TCF4: variants seen among roughly 807,000 people sequenced by gnomAD.
TCF4 encodes transcription factor 4, also known as SL3-3 enhancer factor 2.
In TCF4, 3 loss-of-function variants were observed where a neutral mutation model predicts 82.1. That is an observed-to-expected ratio of 0.04 (90% CI 0.02 to 0.09). The LOEUF (loss-of-function observed/expected upper bound fraction) is 0.09, where lower values mean the gene tolerates loss of function less well. Ranked by LOEUF, TCF4 falls within the 10% of genes least tolerant of loss-of-function variation. The pLI, the probability that TCF4 is intolerant of heterozygous loss-of-function variation, is 1.00. For synonymous variants in TCF4, 276 were observed against 309.6 expected (o/e 0.89, Z 1.14); for missense variants, 518 against 852.7 (o/e 0.61, Z 4.89).
intron 8 of TCF4, among the ~76,000 whole-genome samples, chr18:55,332,858 T>C (rs1231418456): frequency 6.6e-6 from 1 of 152,258 alleles, no homozygotes; most frequent in African/African-American, 2.4e-5. Flanking sequence ...TATCACCAGT[T>C]ACTTCTGTGA....
chr18:55,575,311 A>G (rs533619285), intron 3 of TCF4, among the ~76,000 whole-genome samples: 32 of 152,342 alleles, frequency 2.1e-4, no homozygotes, highest in African/African-American at 7.5e-4. Context: ...ATAACAAAGA[A>G]CAATTATTCA....
At chr18:55,279,452 C>A (rs1280826403) in intron 9 of TCF4, 99 bp downstream of exon 9, 1 of 1,565,666 alleles carries the variant, frequency 6.4e-7, no homozygotes, top group Non-Finnish European at 8.7e-7. Flanking sequence ...AAATTCTACA[C>A]TTGCCTACTA....
rs1192478847 is a variant in TCF4, at chr18:55,422,139, A to C, written c.305-18621T>G. ...CCACTATCATCCAAAAAAAAAAAAA[A>C]AAAAAAAAACCCACCCTGAATAGAG... is the stretch of plus-strand genomic sequence containing the variant. On this transcript the variant is annotated intron_variant, in intron 5 of 19. Transcript: ENST00000354452. The C allele has an allele frequency of 6.0e-4, 535 of 884,454 alleles. 1 individual carries two copies. Among genetic ancestry groups the C allele is most frequent in the Middle Eastern group, 1.2e-3 (2 of 1,728 alleles). The allele number at this position is 884,454 out of a possible 1,614,324, so 54.8% of individuals were successfully genotyped here.
chr18:55,346,434 A>G (rs2081198556), intron 8 of TCF4, among the ~76,000 whole-genome samples: 1 of 152,188 alleles, frequency 6.6e-6, no homozygotes, highest in African/African-American at 2.4e-5. Flanking sequence ...GGTCCTCCTG[A>G]GTTTTAAAAC....
chr18:55,544,230 C>A (rs1209793903), intron 3 of TCF4, among the ~76,000 whole-genome samples: 1 of 152,120 alleles, frequency 6.6e-6, no homozygotes, highest in Non-Finnish European at 1.5e-5. Flanking sequence ...GATTCAATTT[C>A]CTCAATTGTA....
At chr18:55,549,377 T>C (rs1437304651) in intron 3 of TCF4, among the ~76,000 whole-genome samples, 2 of 152,210 alleles carry the variant, frequency 1.3e-5, no homozygotes, top group African/African-American at 2.4e-5. Flanking sequence ...TTTTACCTTA[T>C]AAGCTTCTTA....
chr18:55,587,140 G>C lies in TCF4; in HGVS notation c.-20-4C>G. 1 of 1,484,902 alleles carries C rather than the reference G, an allele frequency of 6.7e-7. No homozygotes were observed. The highest frequency in any genetic ancestry group is 9.0e-7 in the Non-Finnish European group (1 of 1,106,112). 92.0% of individuals were successfully genotyped at this position (1,484,902 alleles called of 1,614,324 possible). A position where few individuals can be genotyped will look rare whatever the true frequency, so the allele number is the denominator to read the frequency against. ...ATTTTAGCAAAATCACACAAACCTA[G>C]AAACATGGAAATAACCGCAATCAGA... On this transcript the variant is annotated splice_region_variant and splice_polypyrimidine_tract_variant and intron_variant, in intron 1 of 19. Transcript: ENST00000354452.
At chr18:55,501,702 G>A (rs2096704087) in intron 3 of TCF4, among the ~76,000 whole-genome samples, 1 of 151,456 alleles carries the variant, frequency 6.6e-6, no homozygotes, top group Non-Finnish European at 1.5e-5. Context: ...CATCATCTTT[G>A]GGAGAAAAAA....
intron 2 of TCF4, among the ~76,000 whole-genome samples, chr18:55,622,035 A>G (rs1408491670): frequency 7.4e-6 from 1 of 135,980 alleles, no homozygotes; most frequent in Non-Finnish European, 1.5e-5. Context: ...TATATATTAT[A>G]TATACACTAT....
chr18:55,517,430 T>C (rs886334193), intron 3 of TCF4, among the ~76,000 whole-genome samples: 7 of 152,086 alleles, frequency 4.6e-5, no homozygotes, highest in East Asian at 1.9e-4. Flanking sequence ...GTGACCACCA[T>C]TGACATCAAC....
intron 8 of TCF4, among the ~76,000 whole-genome samples, chr18:55,329,383 C>A (rs1466811745): frequency 1.3e-5 from 2 of 152,138 alleles, no homozygotes; most frequent in Non-Finnish European, 2.9e-5. Context: ...CAGGAAGGAA[C>A]AGGTGAGACA....
intron 15 of TCF4, among the ~76,000 whole-genome samples, chr18:55,237,467 C>CTTT (rs538071929): frequency 2.4e-5 from 3 of 122,668 alleles, no homozygotes; most frequent in Admixed American, 8.3e-5. Context: ...GTTGTTCTGA[C>CTTT]TTTTTTTTTT....
intron 11 of TCF4, chr18:55,267,832 T>C (rs772507542): frequency 2.6e-5 from 4 of 152,156 alleles, no homozygotes; most frequent in Non-Finnish European, 4.4e-5. Context: ...TACTTTTGTT[T>C]TTAAATTATA....
intron 8 of TCF4, chr18:55,302,747 A>C: frequency 1.3e-6 from 1 of 742,546 alleles, no homozygotes; most frequent in Non-Finnish European, 2.0e-6. Context: ...CCAAATGACC[A>C]GGCATGAGGC....
At chr18:55,256,526 C>T (rs2056884623) in intron 14 of TCF4, among the ~76,000 whole-genome samples, 1 of 152,016 alleles carries the variant, frequency 6.6e-6, no homozygotes, top group African/African-American at 2.4e-5. Flanking sequence ...TCAGATTTTC[C>T]TTAAGATTAA....
At chr18:55,589,609 C>T, upstream of TCF4, 1 of 1,044,430 alleles carries the variant, frequency 9.6e-7, no homozygotes, top group African/African-American at 1.7e-5. Flanking sequence ...AATTTTTCCT[C>T]AAACAATTCT....
At chr18:55,622,050 AATATATATACACTGTATATATAAT>A (rs1441713788) in intron 2 of TCF4, among the ~76,000 whole-genome samples, 2 of 136,274 alleles carry the variant, frequency 1.5e-5, no homozygotes, top group Non-Finnish European at 3.1e-5. Context: ...CACTATATAT[AATATATATACACTGTATATATAAT>A]ATATATATAC....
At chr18:55,249,251 T>G (rs11662517) in intron 15 of TCF4, among the ~76,000 whole-genome samples, 8 of 152,246 alleles carry the variant, frequency 5.3e-5, no homozygotes, top group Admixed American at 5.2e-4. Context: ...AAAGTTCTCA[T>G]GTATATAATG....
At chr18:55,472,587 C>A (rs1296228148) in intron 3 of TCF4, among the ~76,000 whole-genome samples, 1 of 152,076 alleles carries the variant, frequency 6.6e-6, no homozygotes, top group Admixed American at 6.6e-5. Flanking sequence ...AAGAGTATAA[C>A]GTGAACTATA....
Sources: gnomAD v4.1 joint callset for allele counts (sites outside exome capture counted in the v4.1 genomes callset) on GRCh38, gnomAD v4.1.1 for gene constraint, MANE v1.5 for transcripts, NCBI Gene and HGNC (gene_info 2026-07-23, HGNC 2026-07-21) for gene names.